The following FOXP2 variants were observed in gnomAD, a reference collection of about 807,000 sequenced individuals.
FOXP2 encodes forkhead box P2.
A neutral mutation model predicts 115.8 loss-of-function variants in FOXP2; 12 were observed. That is an observed-to-expected ratio of 0.10 (90% CI 0.07 to 0.17). The LOEUF is 0.17. FOXP2 is among the 10% of genes least tolerant of loss of function. The pLI is 1.00. For synonymous variants in FOXP2, 328 were observed against 297.7 expected (o/e 1.10, Z -1.05); for missense variants, 629 against 843.5 (o/e 0.75, Z 3.15).
chr7:114,522,830 A>G (rs928428720), intron 2 of FOXP2, among the ~76,000 whole-genome samples: 4 of 152,116 alleles, frequency 2.6e-5, no homozygotes, highest in Admixed American at 1.3e-4. Flanking sequence ...TAATGGCTAG[A>G]ATAGAAAACA....
At chr7:114,568,616 C>G (rs1170027282) in intron 3 of FOXP2, among the ~76,000 whole-genome samples, 1 of 151,654 alleles carries the variant, frequency 6.6e-6, no homozygotes, top group Non-Finnish European at 1.5e-5. Flanking sequence ...CACGGTGAAG[C>G]CTCAGGCAGC....
In FOXP2 at chr7:114,373,030, T is replaced by C. The variant is rs138308094; in HGVS notation, c.-10-53472T>C. Among the ~76,000 whole-genome samples, 315 of 152,034 alleles carry C rather than the reference T, an allele frequency of 2.1e-3. 1 individual carries two copies. Among genetic ancestry groups the C allele is most frequent in the African/African-American group, 7.2e-3 (298 of 41,468 alleles). On this transcript the variant is annotated intron_variant, in intron 2 of 17. Coordinates refer to the FOXP2 transcript ENST00000634411. ...TTTTTTGAGTTGGAGTCTTGCTGTGTTTCCCAGGCTGAAGTGCAGTGCGGC... is the reference window on the plus strand; with the variant it reads ...TTTTTTGAGTTGGAGTCTTGCTGTGCTTCCCAGGCTGAAGTGCAGTGCGGC...
chr7:114,477,392 A>C (rs1796323344), intron 2 of FOXP2, among the ~76,000 whole-genome samples: 1 of 152,008 alleles, frequency 6.6e-6, no homozygotes, highest in Non-Finnish European at 1.5e-5. Flanking sequence ...TCCTAAGCAA[A>C]TTAACACAGC....
In FOXP2 at chr7:114,284,360, C is replaced by G. The variant is rs150972080; in HGVS notation, c.-101-3659C>G. On this transcript the variant is annotated intron_variant, in intron 1 of 17. Coordinates refer to the FOXP2 transcript ENST00000634411. Reference sequence around the variant, plus strand: ...CAGAGTTGTGATTTTAACCCAGAACCAGGACAGTGTGTGACATATAGTTGC... The same window carrying G: ...CAGAGTTGTGATTTTAACCCAGAACGAGGACAGTGTGTGACATATAGTTGC... 4.8e-3 allele frequency among the ~76,000 whole-genome samples: 727 copies of G among 152,054 alleles called. 9 individuals carry two copies. Among genetic ancestry groups the G allele is most frequent in the African/African-American group, 0.016 (678 of 41,504 alleles).
At chr7:114,447,003 G>A (rs1410184239) in intron 2 of FOXP2, among the ~76,000 whole-genome samples, 3 of 151,862 alleles carry the variant, frequency 2.0e-5, no homozygotes, top group Non-Finnish European at 4.4e-5. Context: ...ACTCACTTCG[G>A]CCTCCCAAAG....
chr7:114,109,077 G>T (rs915015265), intron 1 of FOXP2, among the ~76,000 whole-genome samples: 5 of 151,938 alleles, frequency 3.3e-5, no homozygotes, highest in Non-Finnish European at 7.4e-5. Flanking sequence ...ATTGCAAACT[G>T]TGTTCAGTGG....
At chr7:114,087,665 G>A, upstream of FOXP2, 1 of 147,970 alleles carries the variant, frequency 6.8e-6, no homozygotes, top group Non-Finnish European at 1.5e-5. Flanking sequence ...GACCCACTGG[G>A]TGGCCGCGCG....
chr7:114,300,125 C>A (rs1796843639), intron 2 of FOXP2, among the ~76,000 whole-genome samples: 2 of 152,058 alleles, frequency 1.3e-5, no homozygotes, highest in African/African-American at 4.8e-5. Context: ...ATTTAAGCTA[C>A]TAGCTTTTTC....
intron 2 of FOXP2, among the ~76,000 whole-genome samples, chr7:114,452,294 A>G (rs1795108117): frequency 6.6e-6 from 1 of 152,036 alleles, no homozygotes; most frequent in African/African-American, 2.4e-5. Flanking sequence ...TGGTTCAAGT[A>G]AGTGACACAC....
chr7:114,413,622 T>C (rs1026028128), upstream of FOXP2, among the ~76,000 whole-genome samples: 1 of 151,984 alleles, frequency 6.6e-6, no homozygotes, highest in Admixed American at 6.6e-5. Context: ...GGTGGAGAAA[T>C]AGTGCAGCCT....
intron 2 of FOXP2, among the ~76,000 whole-genome samples, chr7:114,430,744 G>A (rs1031930262): frequency 2.0e-5 from 3 of 151,856 alleles, no homozygotes; most frequent in African/African-American, 7.2e-5. Flanking sequence ...CATGTGCTCA[G>A]TCTTTTTGAT....
At chr7:114,163,033 C>G (rs528194689), upstream of FOXP2, 2 of 152,208 alleles carry the variant, frequency 1.3e-5, no homozygotes, top group Non-Finnish European at 2.9e-5. Context: ...ATTGTAAGCA[C>G]AAAGAATAAG....
upstream of FOXP2, among the ~76,000 whole-genome samples, chr7:114,162,628 T>C (rs894365906): frequency 2.6e-5 from 4 of 152,144 alleles, no homozygotes; most frequent in Admixed American, 2.6e-4. Flanking sequence ...ACTCACGGAT[T>C]TGCAAAATTA....
intron 1 of FOXP2, among the ~76,000 whole-genome samples, chr7:114,117,339 A>C (rs1478335888): frequency 1.3e-5 from 2 of 151,196 alleles, no homozygotes; most frequent in Non-Finnish European, 2.9e-5. Context: ...CTCATGCCCT[A>C]GCCTCCCGAG....
intron 2 of FOXP2, among the ~76,000 whole-genome samples, chr7:114,327,377 T>A (rs1220230738): frequency 6.6e-6 from 1 of 152,196 alleles, no homozygotes; most frequent in Admixed American, 6.5e-5. Flanking sequence ...TTTAATTTAT[T>A]AAATTTAGTC....
chr7:114,245,399 A>G, intron 1 of FOXP2, among the ~76,000 whole-genome samples: 1 of 152,202 alleles, frequency 6.6e-6, no homozygotes, highest in Non-Finnish European at 1.5e-5. Flanking sequence ...ACTGCCAGCT[A>G]TTTTAGCATA....
chr7:114,397,026 C>G (rs2129195644), intron 2 of FOXP2, among the ~76,000 whole-genome samples: 1 of 151,956 alleles, frequency 6.6e-6, no homozygotes, highest in African/African-American at 2.4e-5. Context: ...TAACTATTAC[C>G]TCCTTCATAA....
intron 2 of FOXP2, among the ~76,000 whole-genome samples, chr7:114,316,810 A>C (rs1284181153): frequency 2.0e-5 from 3 of 152,112 alleles, no homozygotes; most frequent in African/African-American, 7.2e-5. Context: ...TGATACCCAA[A>C]ATCTCTTTTA....
Position 114,692,322 on chromosome 7 carries a change from T to G in FOXP2, c.*2396T>G, listed in dbSNP as rs1161828137. On this transcript the variant is annotated 3_prime_UTR_variant, in exon 17 of 17. Transcript: ENST00000350908. ...CCACAGAATGCATATACCTGTAGAG[T>G]TTTGCATGGGTTTTATATGAATACA... 1 of 453,850 alleles carries G rather than the reference T, an allele frequency of 2.2e-6. No homozygotes were observed. The highest frequency in any genetic ancestry group is 4.4e-6 in the Non-Finnish European group (1 of 226,700). 28.1% of individuals were successfully genotyped at this position (453,850 alleles called of 1,614,324 possible).
Sources: allele counts gnomAD v4.1 joint callset (sites outside exome capture counted in the v4.1 genomes callset), GRCh38; gene constraint gnomAD v4.1.1; transcripts MANE v1.5; gene names NCBI Gene and HGNC (gene_info 2026-07-23, HGNC 2026-07-21).